The following ANKRD6 variants were observed in gnomAD, a reference collection of about 807,000 sequenced individuals.
The protein encoded by ANKRD6 is ankyrin repeat domain 6.
ANKRD6 carries 56 observed loss-of-function variants against 82.3 expected under a neutral mutation model. The observed-to-expected ratio is 0.68, with a 90% CI of 0.55 to 0.85. ANKRD6 has a LOEUF of 0.85. Ranked by LOEUF, ANKRD6 falls within the 40% of genes least tolerant of loss-of-function variation. The probability of loss-of-function intolerance (pLI) is 0.00; values close to 1 mark genes in which losing one functional copy is unlikely to be tolerated. For synonymous variants in ANKRD6, 347 were observed against 352.1 expected, an observed-to-expected ratio of 0.99 and a Z score of 0.16; for missense variants, 852 against 907.6, an observed-to-expected ratio of 0.94 and a Z score of 0.79.
chr6:89,595,719 T>G (rs373953795), intron 2 of ANKRD6, among the ~76,000 whole-genome samples, 197 bp from the exon 3 acceptor site: 1 of 152,354 alleles, frequency 6.6e-6, no homozygotes, highest in South Asian at 2.1e-4. Context: ...GTTCATTGAT[T>G]GCAATGACAA....
At chr6:89,568,028 A>C (rs991656679) in intron 2 of ANKRD6, 4 of 152,238 alleles carry the variant, frequency 2.6e-5, no homozygotes, top group Non-Finnish European at 4.4e-5. Context: ...TGCAGTTTTC[A>C]CATTCCATGC....
intron 1 of ANKRD6, among the ~76,000 whole-genome samples, chr6:89,553,088 G>T (rs1346683152): frequency 6.6e-6 from 1 of 152,216 alleles, no homozygotes; most frequent in African/African-American, 2.4e-5. Context: ...GTGAGAGAAG[G>T]TCATGTGGGT....
chr6:89,580,620 G>C (rs1792302810), intron 2 of ANKRD6, among the ~76,000 whole-genome samples: 1 of 151,914 alleles, frequency 6.6e-6, no homozygotes, highest in African/African-American at 2.4e-5. Context: ...TTCCTGCTCT[G>C]AAACCTGTTT....
intron 1 of ANKRD6, among the ~76,000 whole-genome samples, chr6:89,518,762 G>T (rs545906020): frequency 1.3e-5 from 2 of 152,198 alleles, no homozygotes; most frequent in Admixed American, 1.3e-4. Flanking sequence ...CAAGCCAGGG[G>T]CACTGATCTT....
intron 2 of ANKRD6, among the ~76,000 whole-genome samples, chr6:89,570,063 A>ATGTGTG (rs10651458): frequency 0.16 from 23,790 of 148,784 alleles, 2,393 homozygotes; most frequent in Middle Eastern, 0.33. Context: ...ATGTGTGTAT[A>ATGTGTG]TGTGTGTGTG....
At chr6:89,609,302 C>CT (rs1288545302) in intron 5 of ANKRD6, among the ~76,000 whole-genome samples, 50 of 149,934 alleles carry the variant, frequency 3.3e-4, no homozygotes, top group Admixed American at 2.0e-3. Context: ...TGTGTAATCA[C>CT]TTTTTTTTTT....
intron 1 of ANKRD6, among the ~76,000 whole-genome samples, chr6:89,525,741 A>G (rs1782417932): frequency 6.6e-6 from 1 of 152,212 alleles, no homozygotes; most frequent in Non-Finnish European, 1.5e-5. Context: ...CATGTAACAT[A>G]TATCTCATGT....
chr6:89,544,726 A>C (rs1443722612), intron 1 of ANKRD6, among the ~76,000 whole-genome samples: 1 of 151,934 alleles, frequency 6.6e-6, no homozygotes, highest in East Asian at 1.9e-4. Flanking sequence ...AAAAAACCCC[A>C]AAAAACAAAA....
intron 1 of ANKRD6, among the ~76,000 whole-genome samples, chr6:89,512,157 G>A (rs1007126383): frequency 5.3e-5 from 8 of 152,100 alleles, no homozygotes; most frequent in African/African-American, 1.9e-4. Context: ...CAGTTACAAG[G>A]TCATATGATA....
intron 1 of ANKRD6, among the ~76,000 whole-genome samples, chr6:89,514,039 G>A (rs554093018): frequency 6.6e-6 from 1 of 152,342 alleles, no homozygotes; most frequent in African/African-American, 2.4e-5. Flanking sequence ...TATGGCCCAG[G>A]ATGGCTTTTC....
chr6:89,623,338 A>G (rs1804351734), intron 10 of ANKRD6, 72 bp from the exon 11 acceptor site: 2 of 1,518,706 alleles, frequency 1.3e-6, no homozygotes, highest in Admixed American at 4.5e-5. Flanking sequence ...CTTGCAAAGA[A>G]TATTTGACCA....
chr6:89,528,394 G>A (rs1782764837), intron 1 of ANKRD6, among the ~76,000 whole-genome samples: 1 of 152,182 alleles, frequency 6.6e-6, no homozygotes. Flanking sequence ...CCGTAAGAAG[G>A]AACTCCTCAT....
chr6:89,569,867 G>A (rs1351717692), intron 2 of ANKRD6, among the ~76,000 whole-genome samples: 2 of 152,128 alleles, frequency 1.3e-5, no homozygotes, highest in Non-Finnish European at 2.9e-5. Flanking sequence ...AATAAAAACA[G>A]TGATCCCTTA....
chr6:89,440,913 T>C (rs1771293318), intron 1 of ANKRD6, among the ~76,000 whole-genome samples: 1 of 152,318 alleles, frequency 6.6e-6, no homozygotes, highest in Non-Finnish European at 1.5e-5. Flanking sequence ...TATAGCTGCT[T>C]TCAACTGCTA....
chr6:89,627,335 A>G (rs1052563102), intron 13 of ANKRD6, among the ~76,000 whole-genome samples: 4 of 152,202 alleles, frequency 2.6e-5, no homozygotes, highest in African/African-American at 7.2e-5. Flanking sequence ...GTATATTCAT[A>G]GTCCTTATAC....
intron 2 of ANKRD6, among the ~76,000 whole-genome samples, chr6:89,569,711 A>G (rs1789355727): frequency 6.6e-6 from 1 of 152,234 alleles, no homozygotes; most frequent in Non-Finnish European, 1.5e-5. Context: ...TTCTACCAGC[A>G]ATGTATGAAG....
At chr6:89,439,150 A>C (rs1459864596) in intron 1 of ANKRD6, among the ~76,000 whole-genome samples, 1 of 152,216 alleles carries the variant, frequency 6.6e-6, no homozygotes, top group Non-Finnish European at 1.5e-5. Context: ...TTATTAGGGA[A>C]TGAAGCATAT....
chr6:89,546,876 G>A (rs777079106), intron 1 of ANKRD6, among the ~76,000 whole-genome samples: 17 of 152,202 alleles, frequency 1.1e-4, no homozygotes, highest in African/African-American at 3.6e-4. Flanking sequence ...CAAGATGAGC[G>A]CCTGCAGTCA....
chr6:89,437,906 C>T (rs1770852244), intron 1 of ANKRD6, among the ~76,000 whole-genome samples: 1 of 152,130 alleles, frequency 6.6e-6, no homozygotes, highest in Non-Finnish European at 1.5e-5. Flanking sequence ...GCCATCCTCT[C>T]ACCTCAGCCT....
Sources: allele counts gnomAD v4.1 joint callset (sites outside exome capture counted in the v4.1 genomes callset), GRCh38; gene constraint gnomAD v4.1.1; transcripts MANE v1.5; gene names NCBI Gene and HGNC (gene_info 2026-07-23, HGNC 2026-07-21).